VPS13C: variants seen among roughly 807,000 people sequenced by gnomAD.
The protein encoded by VPS13C is vacuolar protein sorting 13 homolog C.
VPS13C carries 358 observed loss-of-function variants against 456.8 expected under a neutral mutation model. The observed-to-expected ratio is 0.78, with a 90% confidence interval of 0.72 to 0.86. The LOEUF is 0.86. Among genes scored for constraint, VPS13C ranks in the 40% least tolerant of loss-of-function variants. VPS13C has a pLI of 0.00. For synonymous variants in VPS13C, 1,578 were observed against 1,486.7 expected, an observed-to-expected ratio of 1.06 and a Z score of -1.41; for missense variants, 4,818 against 4,385.4, an observed-to-expected ratio of 1.10 and a Z score of -2.79.
chr15:61,896,027 C>A (rs1206904255), intron 66 of VPS13C, among the ~76,000 whole-genome samples: 3 of 152,132 alleles, frequency 2.0e-5, no homozygotes, highest in African/African-American at 7.2e-5. Context: ...CTGATCTAAT[C>A]AGTATATATT....
Position 61,945,795 on chromosome 15 carries a change from ACATATCAGCATAGGC to A in VPS13C, c.5053_5067del (p.Ala1685_Met1689del). On this transcript the variant is annotated inframe_deletion, in exon 45 of 85. Coordinates refer to ENST00000644861, the MANE Select transcript of VPS13C (RefSeq NM_020821.3). ...AAACTAAGTTTGCCGTCTACTTTGG[ACATATCAGCATAGGC>A]CTCTCCTTCTGTGGCATCTGGATAA... The A allele has an allele frequency of 6.2e-7, 1 of 1,613,568 alleles. No individual in the cohort carries two copies. The highest frequency in any genetic ancestry group is 8.5e-7 in the Non-Finnish European group (1 of 1,179,742).
chr15:62,014,396 G>A (rs903923928), intron 9 of VPS13C, among the ~76,000 whole-genome samples: 1 of 152,048 alleles, frequency 6.6e-6, no homozygotes, highest in African/African-American at 2.4e-5. Context: ...TTTCTACAAG[G>A]ACAGCATGTT....
rs78797263 is a variant in VPS13C, at chr15:61,924,519, G to A, written c.6609+937C>T. 5.8e-4 allele frequency among the ~76,000 whole-genome samples: 88 copies of A among 152,208 alleles called. 1 individual carries two copies. In the East Asian group the frequency reaches 0.014, roughly 24 times the overall value. On this transcript the variant is annotated intron_variant, in intron 53 of 84. Transcript: ENST00000644861. ...CAGTAAAAGCTCAAAAACGTTTTTT[G>A]AATCAATCATAAATTTATACACAAA...
intron 48 of VPS13C, 46 bp downstream of exon 48, chr15:61,936,551 T>C (rs1367889743): frequency 1.3e-6 from 2 of 1,486,576 alleles, no homozygotes; most frequent in African/African-American, 1.4e-5. Flanking sequence ...AAATATGACA[T>C]TAACACCAAT....
At chr15:62,046,490 T>A (rs1334867546) in intron 1 of VPS13C, among the ~76,000 whole-genome samples, 1 of 152,218 alleles carries the variant, frequency 6.6e-6, no homozygotes, top group Non-Finnish European at 1.5e-5. Context: ...AAGTCTATTC[T>A]AGCCTACAGG....
chr15:62,000,699 C>G (rs1311004277), intron 15 of VPS13C, 73 bp from the exon 16 acceptor site: 4 of 1,192,360 alleles, frequency 3.4e-6, no homozygotes, highest in Non-Finnish European at 3.6e-6. Context: ...TTCATGATTT[C>G]TAGGCATATC....
chr15:61,884,495 T>A (rs1896121442), intron 67 of VPS13C, among the ~76,000 whole-genome samples: 1 of 152,092 alleles, frequency 6.6e-6, no homozygotes, highest in Non-Finnish European at 1.5e-5. Context: ...ACTAAGGGAC[T>A]GGCAAACTTT....
At chr15:61,890,430 A>C in intron 66 of VPS13C, 30 bp from the exon 67 acceptor site, 1 of 1,568,572 alleles carries the variant, frequency 6.4e-7, no homozygotes, top group Non-Finnish European at 8.7e-7. Context: ...CATTAAACCC[A>C]CACATAGTAA....
At chr15:61,865,702 G>A (rs1256470550) in intron 81 of VPS13C, 2 of 384,938 alleles carry the variant, frequency 5.2e-6, no homozygotes, top group Non-Finnish European at 7.1e-6. Flanking sequence ...ATATATGTGT[G>A]TATATGTATG....
intron 18 of VPS13C, among the ~76,000 whole-genome samples, chr15:61,985,648 T>A (rs2046025946): frequency 6.6e-6 from 1 of 152,136 alleles, no homozygotes; most frequent in Non-Finnish European, 1.5e-5. Flanking sequence ...TGAAACAAAC[T>A]AAGTATTTCA....
intron 3 of VPS13C, among the ~76,000 whole-genome samples, chr15:62,037,612 T>C (rs988440527): frequency 6.9e-6 from 1 of 145,196 alleles, no homozygotes; most frequent in Non-Finnish European, 1.5e-5. Flanking sequence ...TAGATGTCTA[T>C]AACTTCCTTG....
chr15:61,984,153 C>T lies in VPS13C; in HGVS notation c.1722-141G>A. Reference sequence around the variant, plus strand: ...TTATCCAGAGCTGAAGCTCAACCTCCTTAGCCAGGCATTCAATTGCTCACA... The same window carrying T: ...TTATCCAGAGCTGAAGCTCAACCTCTTTAGCCAGGCATTCAATTGCTCACA... On this transcript the variant is annotated intron_variant, in intron 19 of 84. Transcript: ENST00000644861. The T allele has an allele frequency of 1.0e-5, 7 of 691,080 alleles. No homozygotes were observed. In the South Asian group the frequency reaches 1.3e-4, roughly 13 times the overall value. 42.8% of individuals were successfully genotyped at this position (691,080 alleles called of 1,614,324 possible).
intron 38 of VPS13C, among the ~76,000 whole-genome samples, chr15:61,953,415 G>T (rs2044873858): frequency 8.6e-6 from 1 of 116,638 alleles, no homozygotes; most frequent in Non-Finnish European, 1.6e-5. Context: ...ACAGTCCCCA[G>T]AATGTGATGT....
chr15:61,902,482 C>G (rs974636338), intron 66 of VPS13C, among the ~76,000 whole-genome samples: 13 of 152,028 alleles, frequency 8.6e-5, no homozygotes, highest in Admixed American at 3.3e-4. Flanking sequence ...TGCAGTAACA[C>G]ATTAAAAAGA....
intron 47 of VPS13C, among the ~76,000 whole-genome samples, chr15:61,938,279 GA>G (rs370257138): frequency 6.6e-6 from 1 of 151,716 alleles, no homozygotes; most frequent in African/African-American, 2.4e-5. Flanking sequence ...GGTGGGGGGG[GA>G]ACAAGTATGA....
intron 16 of VPS13C, among the ~76,000 whole-genome samples, 173 bp downstream of exon 16, chr15:62,000,391 T>C (rs1003462955): frequency 9.2e-5 from 14 of 151,728 alleles, no homozygotes; most frequent in South Asian, 4.2e-4. Flanking sequence ...AAAAATAAGG[T>C]TTTTTTTCCC....
intron 82 of VPS13C, among the ~76,000 whole-genome samples, chr15:61,860,953 CTTTTTTTTTTTTTTTTTTT>C (rs781045840): frequency 1.1e-5 from 1 of 89,698 alleles, no homozygotes; most frequent in Non-Finnish European, 2.2e-5. Flanking sequence ...TATTTTCTTT[CTTTTTTTTTTTTTTTTTTT>C]TTTTTTTGAG....
intron 9 of VPS13C, among the ~76,000 whole-genome samples, chr15:62,014,574 T>C (rs2047161629): frequency 2.6e-5 from 4 of 152,110 alleles, no homozygotes; most frequent in Admixed American, 2.6e-4. Context: ...TAGATTGTAA[T>C]TGCAAAGAAA....
At position 62,037,299 on chromosome 15, in the gene VPS13C, A is replaced by T. The variant is rs28628288; in HGVS notation, c.188-2247T>A. Among the ~76,000 whole-genome samples, 114 of 63,974 alleles carry T rather than the reference A, an allele frequency of 1.8e-3. 4 individuals are homozygous for T. The highest frequency in any genetic ancestry group is 4.2e-3 in the East Asian group (9 of 2,164). 42.0% of individuals were successfully genotyped at this position (63,974 alleles called of 152,430 possible). On this transcript the variant is annotated intron_variant, in intron 3 of 84. Transcript: ENST00000644861. The stretch of plus-strand genomic sequence containing the variant: ...ATATATTATATATATTATATTATAT[A>T]ATATATATATAAATATATTATATAT...
Sources: allele counts gnomAD v4.1 joint callset (sites outside exome capture counted in the v4.1 genomes callset), GRCh38; gene constraint gnomAD v4.1.1; transcripts MANE v1.5; gene names NCBI Gene and HGNC (gene_info 2026-07-23, HGNC 2026-07-21).